Variants in THSD7B observed in about 807,000 individuals in gnomAD.
THSD7B encodes the protein thrombospondin type-1 domain-containing protein 7B.
A neutral mutation model predicts 213.6 loss-of-function variants in THSD7B; 138 were observed. That is an observed-to-expected ratio of 0.65 (90% CI 0.56 to 0.74). The LOEUF is 0.74. Among genes scored for constraint, THSD7B ranks in the 30% least tolerant of loss-of-function variants. The pLI, the probability that THSD7B is intolerant of heterozygous loss-of-function variation, is 0.00. For synonymous variants in THSD7B, 742 were observed against 687.0 expected, an observed-to-expected ratio of 1.08 and a Z score of -1.25; for missense variants, 1,931 against 1,991.5, an observed-to-expected ratio of 0.97 and a Z score of 0.58.
intron 17 of THSD7B, among the ~76,000 whole-genome samples, chr2:137,605,831 G>C (rs1028749100): frequency 6.6e-6 from 1 of 151,872 alleles, no homozygotes; most frequent in Non-Finnish European, 1.5e-5. Context: ...ACCACGCCCA[G>C]CTAATTTTTT....
At chr2:137,307,556 G>A (rs1437848814) in intron 12 of THSD7B, among the ~76,000 whole-genome samples, 1 of 152,078 alleles carries the variant, frequency 6.6e-6, no homozygotes, top group Non-Finnish European at 1.5e-5. Flanking sequence ...TGGATAAATT[G>A]CAGCTTTGTT....
intron 17 of THSD7B, among the ~76,000 whole-genome samples, chr2:137,596,749 C>T (rs1681967943): frequency 6.6e-6 from 1 of 151,774 alleles, no homozygotes. Context: ...TCTTGCACCT[C>T]CTCCTTTCTT....
At chr2:137,356,088 G>A (rs145514860) in intron 12 of THSD7B, among the ~76,000 whole-genome samples, 23 of 152,224 alleles carry the variant, frequency 1.5e-4, no homozygotes, top group Non-Finnish European at 3.2e-4. Flanking sequence ...TCATTCACTG[G>A]CATCAACTAT....
chr2:137,626,441 G>C (rs1682631379), intron 20 of THSD7B, among the ~76,000 whole-genome samples: 2 of 142,222 alleles, frequency 1.4e-5, no homozygotes, highest in Admixed American at 1.4e-4. Flanking sequence ...TAGCGCCTGG[G>C]CAAAAGAGCG....
chr2:137,606,315 T>C (rs1444096038), intron 17 of THSD7B, among the ~76,000 whole-genome samples: 1 of 152,122 alleles, frequency 6.6e-6, no homozygotes, highest in Non-Finnish European at 1.5e-5. Context: ...CGAAGTCCCA[T>C]GTGGGGGCCT....
chr2:136,906,412 A>G (rs1684162364), intron 2 of THSD7B: 1 of 152,174 alleles, frequency 6.6e-6, no homozygotes, highest in African/African-American at 2.4e-5. Flanking sequence ...GGTAAGATGC[A>G]GTGCACAGCT....
intron 2 of THSD7B, among the ~76,000 whole-genome samples, chr2:136,954,371 T>G (rs1391727596): frequency 3.5e-4 from 53 of 152,302 alleles, no homozygotes; most frequent in Non-Finnish European, 8.8e-5. Context: ...CATCTCATAG[T>G]GATTTTCCTC....
chr2:136,962,403 CTTTTTTTTTTT>C (rs71400559), intron 2 of THSD7B, among the ~76,000 whole-genome samples: 36 of 100,170 alleles, frequency 3.6e-4, no homozygotes, highest in African/African-American at 1.3e-3. Context: ...AATCTGTTAT[CTTTTTTTTTTT>C]TTTTTTTTTT....
At chr2:137,221,978 A>T (rs1681381373) in intron 7 of THSD7B, among the ~76,000 whole-genome samples, 1 of 152,210 alleles carries the variant, frequency 6.6e-6, no homozygotes, top group South Asian at 2.1e-4. Context: ...GAGTAATATT[A>T]TTTCTGACTT....
At position 137,089,568 on chromosome 2, in the gene THSD7B, C is replaced by A. The variant is rs569394699; in HGVS notation, c.951-5305C>A. Among the ~76,000 whole-genome samples the A allele has an allele frequency of 3.2e-4, 48 of 151,906 alleles. 1 individual carries two copies. In the South Asian group the frequency reaches 7.1e-3, roughly 22 times the overall value. On this transcript the variant is annotated intron_variant, in intron 3 of 27. Transcript: ENST00000409968. ...GTCAAGTAACTCAGGAATGGGAAAC[C>A]AAACATCATATGTCCTCACTCATAA...
At chr2:137,440,472 T>G (rs1453131140) in intron 14 of THSD7B, among the ~76,000 whole-genome samples, 2 of 151,890 alleles carry the variant, frequency 1.3e-5, no homozygotes, top group African/African-American at 4.8e-5. Flanking sequence ...CTTTTTTTTT[T>G]TTAATTGGAC....
chr2:137,133,179 A>G lies in THSD7B; in HGVS notation c.1369+17886A>G, dbSNP rs183242519. ...CACTCTCTTTTCCTGTCTTGAGTCA[A>G]CGGTGCAAAACTGGTTTGTTTTCTC... On this transcript the variant is annotated intron_variant, in intron 5 of 27. Coordinates refer to ENST00000409968, the MANE Select transcript of THSD7B (RefSeq NM_001316349.2). 1.7e-3 allele frequency among the ~76,000 whole-genome samples: 255 copies of G among 152,284 alleles called. 1 individual carries two copies. Among genetic ancestry groups the G allele is most frequent in the African/African-American group, 5.9e-3 (246 of 41,554 alleles).
In THSD7B at chr2:137,287,235, C is replaced by G. The variant is rs147317607; in HGVS notation, c.2500+11209C>G. ...TATTTTAAGGAACTTAAAAAAATCT[C>G]TCCTAAATATTATGATTTTTAAGTG... On this transcript the variant is annotated intron_variant, in intron 12 of 27. Transcript: ENST00000409968. Among the ~76,000 whole-genome samples the G allele has an allele frequency of 2.4e-4, 36 of 152,092 alleles. No homozygotes were observed. In the East Asian group the frequency reaches 6.4e-3, roughly 27 times the overall value.
At chr2:137,117,963 T>C (rs1022368121) in intron 5 of THSD7B, among the ~76,000 whole-genome samples, 2 of 152,184 alleles carry the variant, frequency 1.3e-5, no homozygotes, top group Non-Finnish European at 2.9e-5. Flanking sequence ...TCAGGATGTT[T>C]GCCGCAAGAG....
At chr2:137,241,945 T>C (rs764840946) in intron 9 of THSD7B, among the ~76,000 whole-genome samples, 1 of 151,822 alleles carries the variant, frequency 6.6e-6, no homozygotes, top group Non-Finnish European at 1.5e-5. Context: ...AAGAAATACC[T>C]GTTCATCATT....
chr2:136,802,718 G>A (rs115795803), intron 1 of THSD7B, among the ~76,000 whole-genome samples: 2,039 of 122,836 alleles, frequency 0.017, 58 homozygotes, highest in African/African-American at 0.057. Flanking sequence ...TCCATGAGTG[G>A]GCAAAGCCTA....
At chr2:137,557,581 A>T (rs369755686) in intron 15 of THSD7B, among the ~76,000 whole-genome samples, 3 of 152,122 alleles carry the variant, frequency 2.0e-5, no homozygotes, top group Non-Finnish European at 2.9e-5. Context: ...AGAGGGAAAT[A>T]TATAGCACTA....
intron 17 of THSD7B, among the ~76,000 whole-genome samples, chr2:137,573,917 T>C (rs1681407472): frequency 1.3e-5 from 2 of 152,150 alleles, no homozygotes; most frequent in African/African-American, 4.8e-5. Context: ...CTTTTCTTTG[T>C]TTAAAATGCA....
chr2:136,978,894 C>T (rs1220016047), intron 2 of THSD7B, among the ~76,000 whole-genome samples: 4 of 149,510 alleles, frequency 2.7e-5, no homozygotes, highest in Non-Finnish European at 5.9e-5. Flanking sequence ...GGTCTGTGTA[C>T]TTCAGTGTTT....
Sources: allele counts gnomAD v4.1 joint callset (sites outside exome capture counted in the v4.1 genomes callset), GRCh38; gene constraint gnomAD v4.1.1; transcripts MANE v1.5; gene names NCBI Gene and HGNC (gene_info 2026-07-23, HGNC 2026-07-21).